EIF5: variants seen among roughly 807,000 people sequenced by gnomAD.
EIF5 encodes the protein eukaryotic translation initiation factor 5.
EIF5 carries 10 observed loss-of-function variants against 48.3 expected under a neutral mutation model. The ratio of observed to expected loss-of-function variants is 0.21; its 90% CI spans 0.13 to 0.35. The LOEUF (loss-of-function observed/expected upper bound fraction) is 0.35, where lower values mean the gene tolerates loss of function less well. Among genes scored for constraint, EIF5 ranks in the 10% least tolerant of loss-of-function variants. EIF5 has a pLI of 1.00. For synonymous variants in EIF5, 237 were observed against 173.1 expected (o/e 1.37, Z -2.90); for missense variants, 397 against 533.2 (o/e 0.74, Z 2.51).
In EIF5 at chr14:103,340,429, C is replaced by G. The variant is rs539987177; in HGVS notation, c.1074C>G (p.Ala358=). The G allele has an allele frequency of 6.3e-7, 1 of 1,598,362 alleles. No homozygotes were observed. Among genetic ancestry groups the G allele is most frequent in the Non-Finnish European group, 8.6e-7 (1 of 1,167,140 alleles). Residue 358 remains alanine, a splice_region_variant and synonymous_variant, in exon 11 of 12, where the codon GCC becomes GCG. Coordinates refer to ENST00000216554, the MANE Select transcript of EIF5 (RefSeq NM_001969.5). ...EEVIISWSEK[A]SKKYVSKELA... Reference sequence around the variant, plus strand: ...AGACTTGTACTCACATTTTTTAGGCCTCTAAGAAATATGTCTCCAAAGAAC... The same window carrying G: ...AGACTTGTACTCACATTTTTTAGGCGTCTAAGAAATATGTCTCCAAAGAAC...
At chr14:103,334,986 C>T (rs1027152807) in intron 2 of EIF5, 2 of 152,288 alleles carry the variant, frequency 1.3e-5, no homozygotes, top group African/African-American at 4.8e-5. Context: ...GCGCCCCCCT[C>T]CTTCGCGGAG....
At chr14:103,338,700 G>A in intron 7 of EIF5, 35 bp from the exon 8 acceptor site, 1 of 1,594,434 alleles carries the variant, frequency 6.3e-7, no homozygotes, top group Non-Finnish European at 8.5e-7. Context: ...TTGTTTTTAA[G>A]GCCTTTGATC....
At chr14:103,340,583 T>A in intron 11 of EIF5, 22 bp downstream of exon 11, 2 of 1,601,922 alleles carry the variant, frequency 1.2e-6, no homozygotes, top group Non-Finnish European at 1.7e-6. Flanking sequence ...GGGAGGAGGG[T>A]ATTGGATACA....
In EIF5 at chr14:103,336,669, T is replaced by A. The variant is rs2089290920; in HGVS notation, c.155-8T>A. 2 of 1,598,330 alleles carry A rather than the reference T, an allele frequency of 1.3e-6. No individual in the cohort carries two copies. The highest frequency in any genetic ancestry group is 1.7e-6 in the Non-Finnish European group (2 of 1,173,828). On this transcript the variant is annotated splice_region_variant and splice_polypyrimidine_tract_variant and intron_variant, in intron 4 of 11. Coordinates refer to ENST00000216554, the MANE Select transcript of EIF5 (RefSeq NM_001969.5). ...GTAACGATCCAAACTCCTTTTTCAT[T>A]CAAATAGATCCCACCAAATATTTTG...
chr14:103,334,300 C>T (rs2140356611), intron 1 of EIF5, 40 bp downstream of exon 1: 1 of 152,398 alleles, frequency 6.6e-6, no homozygotes, highest in South Asian at 2.1e-4. Flanking sequence ...CCGGTGCTTC[C>T]CGCCCCCTCG....
Position 103,340,953 on chromosome 14 carries a change from C to T in EIF5, c.1207-10C>T, listed in dbSNP as rs760339924. ...CAGCTTATGTTGAATAAAATCATTC[C>T]TCTTAACAGGTGGTGTATTCGAAGG... On this transcript the variant is annotated splice_polypyrimidine_tract_variant and intron_variant, in intron 11 of 11. Transcript: ENST00000216554. 9.3e-6 allele frequency: 15 copies of T among 1,612,214 alleles called. No individual in the cohort carries two copies. Among genetic ancestry groups the T allele is most frequent in the Admixed American group, 1.7e-5 (1 of 59,994 alleles).
At chr14:103,339,850 G>T (rs756715317) in intron 10 of EIF5, 47 bp downstream of exon 10, 16 of 1,572,292 alleles carry the variant, frequency 1.0e-5, no homozygotes, top group African/African-American at 1.4e-5. Context: ...GTTTTGGGGG[G>T]TTTTTTTGTT....
Position 103,337,077 on chromosome 14 carries a change from A to C in EIF5, c.328-39A>C, listed in dbSNP as rs753330631. 4 of 1,564,808 alleles carry C rather than the reference A, an allele frequency of 2.6e-6. No homozygotes were observed. In the Admixed American group the frequency reaches 5.5e-5, roughly 22 times the overall value. ...AGATGTCCTCTGATTAGATATTTTC[A>C]TGTTATATTATGGATAACATTTGTT... On this transcript the variant is annotated intron_variant, in intron 5 of 11. Coordinates refer to ENST00000216554, the MANE Select transcript of EIF5 (RefSeq NM_001969.5).
chr14:103,337,433 G>T, intron 6 of EIF5: 1 of 531,624 alleles, frequency 1.9e-6, no homozygotes. Context: ...AGTGAAACCC[G>T]TCTACTAAAA....
rs1037407299 is a variant in EIF5 at position 103,343,859 on chromosome 14, G to C, written c.*2807G>C. On this transcript the variant is annotated 3_prime_UTR_variant, in exon 12 of 12. Coordinates refer to ENST00000216554, the MANE Select transcript of EIF5 (RefSeq NM_001969.5). ...TTTAAATTTATTTGACAAGTCTGCA[G>C]ACAATCCTTATCTAACCAGCTATTT... 8 of 152,222 alleles carry C rather than the reference G, an allele frequency of 5.3e-5. No homozygotes were observed. The highest frequency in any genetic ancestry group is 1.2e-4 in the Non-Finnish European group (8 of 68,052). The allele number at this position is 152,222 out of a possible 1,614,324, so 9.4% of individuals were successfully genotyped here.
At chr14:103,337,249 C>T (rs747397765) in intron 6 of EIF5, 22 bp downstream of exon 6, 6 of 1,551,014 alleles carry the variant, frequency 3.9e-6, no homozygotes, top group Middle Eastern at 1.7e-4. Context: ...ATGATGAACT[C>T]CTAAGATCCT....
At position 103,342,593 on chromosome 14, in the gene EIF5, C is replaced by T. The variant is rs969296451; in HGVS notation, c.*1541C>T. ...ACAAATAGGCGTAAAAAAATTTTCA[C>T]ATTGAAATGATAGAAACATTTGATG... is the stretch of plus-strand genomic sequence containing the variant. On this transcript the variant is annotated 3_prime_UTR_variant, in exon 12 of 12. Coordinates refer to ENST00000216554, the MANE Select transcript of EIF5 (RefSeq NM_001969.5). The T allele has an allele frequency of 6.6e-6, 1 of 152,426 alleles. No homozygotes were observed. The highest frequency in any genetic ancestry group is 2.4e-5 in the African/African-American group (1 of 41,424). The allele number at this position is 152,426 out of a possible 1,614,324, so 9.4% of individuals were successfully genotyped here. A position where few individuals can be genotyped will look rare whatever the true frequency, so the allele number is the denominator to read the frequency against.
chr14:103,338,172 T>G, intron 6 of EIF5, 155 bp from the exon 7 acceptor site: 2 of 1,022,122 alleles, frequency 2.0e-6, no homozygotes, highest in Admixed American at 2.3e-5. Flanking sequence ...ATGATGAATT[T>G]GATCTGTGAA....
In EIF5 at chr14:103,335,812, G is replaced by A; in HGVS notation, c.-49G>A. ...TCCAGACAGAAGATACCAAAAAGTT[G>A]CAATCAAAGATCTCTTCATCTTATT... On this transcript the variant is annotated 5_prime_UTR_variant, in exon 3 of 12. Coordinates refer to ENST00000216554, the MANE Select transcript of EIF5 (RefSeq NM_001969.5). 1.3e-6 allele frequency: 2 copies of A among 1,534,658 alleles called. No homozygotes were observed. Among genetic ancestry groups the A allele is most frequent in the Non-Finnish European group, 1.8e-6 (2 of 1,115,032 alleles).
intron 11 of EIF5, 103 bp from the exon 12 acceptor site, chr14:103,340,860 G>A: frequency 8.7e-7 from 1 of 1,143,150 alleles, no homozygotes; most frequent in South Asian, 1.3e-5. Flanking sequence ...AGAAGAAATA[G>A]CTGCATCTAG....
At chr14:103,338,947 T>G in intron 8 of EIF5, 54 bp downstream of exon 8, 3 of 1,585,134 alleles carry the variant, frequency 1.9e-6, no homozygotes, top group Non-Finnish European at 2.6e-6. Flanking sequence ...TGTTTGTGCC[T>G]TTAGATATAT....
In EIF5 at chr14:103,342,992, A is replaced by ATT. The variant is rs2089371579; in HGVS notation, c.*1942_*1943dup. The ATT allele has an allele frequency of 6.6e-6, 1 of 152,654 alleles. No homozygotes were observed. Among genetic ancestry groups the ATT allele is most frequent in the Non-Finnish European group, 1.5e-5 (1 of 68,028 alleles). The allele number at this position is 152,654 out of a possible 1,614,324, so 9.5% of individuals were successfully genotyped here. On this transcript the variant is annotated 3_prime_UTR_variant, in exon 12 of 12. Transcript: ENST00000216554. ...TTCAGGGCTTCTAGAACACTAAAAA[A>ATT]TTTGGCTTAAACCAGTGTTCAGTCT...
In EIF5 at chr14:103,339,495, A is replaced by G; in HGVS notation, c.907-144A>G. The G allele has an allele frequency of 2.1e-6, 3 of 1,424,470 alleles. No homozygotes were observed. The South Asian group carries it at 4.0e-5, about 19-fold the overall frequency. The allele number at this position is 1,424,470 out of a possible 1,614,324, so 88.2% of individuals were successfully genotyped here. On this transcript the variant is annotated intron_variant, in intron 9 of 11. Transcript: ENST00000216554. Reference sequence around the variant, plus strand: ...GAAAGTGCCATACCTAGGCCCTTACAAAGTAACAGGGATGTTTATGCATTG... The same window carrying G: ...GAAAGTGCCATACCTAGGCCCTTACGAAGTAACAGGGATGTTTATGCATTG...
intron 2 of EIF5, 167 bp downstream of exon 2, chr14:103,334,764 C>T (rs561525547): frequency 6.8e-6 from 1 of 147,480 alleles, no homozygotes; most frequent in South Asian, 2.1e-4. Flanking sequence ...GGCCTCGCCC[C>T]CTCCCCGGCA....
Sources: allele counts gnomAD v4.1 joint callset, GRCh38; gene constraint gnomAD v4.1.1; transcripts MANE v1.5; gene names NCBI Gene and HGNC (gene_info 2026-07-23, HGNC 2026-07-21).